The following GAB2 variants were observed in gnomAD, a reference collection of about 807,000 sequenced individuals.
The protein encoded by GAB2 is GRB2-associated-binding protein 2.
GAB2 carries 26 observed loss-of-function variants against 65.5 expected under a neutral mutation model. That is an observed-to-expected ratio of 0.40 (90% CI 0.29 to 0.55). The LOEUF is 0.55. Among genes scored for constraint, GAB2 ranks in the 20% least tolerant of loss-of-function variants. The pLI is 0.53. For missense variants in GAB2, 884 were observed against 875.8 expected (o/e 1.01, Z -0.12); for synonymous variants, 321 against 329.6 (o/e 0.97, Z 0.28).
At chr11:78,326,977 T>G (rs939234953) in intron 1 of GAB2, among the ~76,000 whole-genome samples, 1 of 152,176 alleles carries the variant, frequency 6.6e-6, no homozygotes, top group African/African-American at 2.4e-5. Context: ...AGAAATTGGA[T>G]GGAGATTTAT....
chr11:78,322,785 A>G (rs1227940448), intron 1 of GAB2, among the ~76,000 whole-genome samples: 3 of 145,854 alleles, frequency 2.1e-5, no homozygotes, highest in African/African-American at 7.7e-5. Context: ...CAGAATGGCT[A>G]TTACTGAAAA....
rs773570147 is a variant in GAB2, at chr11:78,222,171, C to T, written c.1592G>A (p.Arg531Lys). The T allele has an allele frequency of 1.9e-6, 3 of 1,613,952 alleles. No individual in the cohort carries two copies. The South Asian group carries it at 3.3e-5, about 18-fold the overall frequency. The change falls in exon 7 of 10, where the codon AGG (arginine) becomes AAG (lysine). Residue 531 changes from arginine (R) to lysine (K), a missense_variant. Arg to Lys is a conservative substitution (Grantham distance 26). Transcript: ENST00000361507. ...GAGTTCATCGATGACGGTGTTGTTC[C>T]TCAGGTCAAGTGGTGTTGGCTTTGC... The part of the protein sequence containing the change: ...RKAKPTPLDL[R>K]NNTVIDELPF...
chr11:78,386,093 A>G (rs1436476847), intron 1 of GAB2, among the ~76,000 whole-genome samples: 2 of 152,184 alleles, frequency 1.3e-5, no homozygotes, highest in East Asian at 3.9e-4. Context: ...GTCAGGAGAG[A>G]TGGAAGGTAA....
intron 1 of GAB2, among the ~76,000 whole-genome samples, chr11:78,405,357 C>T (rs1309944705): frequency 6.6e-6 from 1 of 152,110 alleles, no homozygotes; most frequent in African/African-American, 2.4e-5. Context: ...CCTCGGCCTC[C>T]CAAAGTGCTG....
chr11:78,218,297 C>G lies in GAB2; in HGVS notation c.*975G>C, dbSNP rs1220753947. 1 of 153,602 alleles carries G rather than the reference C, an allele frequency of 6.5e-6. No individual in the cohort carries two copies. The highest frequency in any genetic ancestry group is 2.4e-5 in the African/African-American group (1 of 41,476). The allele number at this position is 153,602 out of a possible 1,614,324, so 9.5% of individuals were successfully genotyped here. On this transcript the variant is annotated 3_prime_UTR_variant, in exon 10 of 10. Transcript: ENST00000361507. ...GCATCACCCCCATCCACACCACACT[C>G]CCTCCCATATTCCCCACCCCTTTAC...
intron 3 of GAB2, among the ~76,000 whole-genome samples, chr11:78,244,150 G>A (rs959394046): frequency 6.7e-6 from 1 of 149,022 alleles, no homozygotes; most frequent in Non-Finnish European, 1.5e-5. Context: ...GCCAAGATGG[G>A]CAGATTCAAG....
chr11:78,308,910 C>T (rs778998905), intron 1 of GAB2, among the ~76,000 whole-genome samples: 18 of 151,970 alleles, frequency 1.2e-4, no homozygotes, highest in Non-Finnish European at 1.6e-4. Flanking sequence ...TATTCCATTT[C>T]ACAATAAAAA....
At position 78,346,712 on chromosome 11, in the gene GAB2, TA is replaced by T. The variant is rs1565168255; in HGVS notation, c.76-65812del. 2.8e-3 allele frequency among the ~76,000 whole-genome samples: 233 copies of T among 83,198 alleles called. 11 individuals carry two copies. Among genetic ancestry groups the T allele is most frequent in the East Asian group, 8.6e-3 (24 of 2,786 alleles). 54.6% of individuals were successfully genotyped at this position (83,198 alleles called of 152,430 possible). On this transcript the variant is annotated intron_variant, in intron 1 of 9. Coordinates refer to ENST00000361507, the MANE Select transcript of GAB2 (RefSeq NM_080491.3). ...ATATATATATATATATATATATATA[TA>T]TATATATAATTTTTTTTTTTTTTAG...
Position 78,415,247 on chromosome 11 carries a change from C to T in GAB2, c.75+2399G>A, listed in dbSNP as rs919708141. On this transcript the variant is annotated intron_variant, in intron 1 of 9. Transcript: ENST00000361507. ...GTTCAACTACTTTTTCCCCTTATCA[C>T]ATATGCTCGATGTATTCTTATAATG... 7.2e-5 allele frequency among the ~76,000 whole-genome samples: 11 copies of T among 152,340 alleles called. 1 individual carries two copies. The highest frequency in any genetic ancestry group is 2.6e-4 in the Admixed American group (4 of 15,308).
At chr11:78,253,983 GC>G (rs1241620319) in intron 2 of GAB2, among the ~76,000 whole-genome samples, 1 of 152,070 alleles carries the variant, frequency 6.6e-6, no homozygotes, top group African/African-American at 2.4e-5. Context: ...GAATGCTTTG[GC>G]TGTGAGTATG....
chr11:78,374,524 T>C lies in GAB2; in HGVS notation c.75+43122A>G, dbSNP rs985842908. On this transcript the variant is annotated intron_variant, in intron 1 of 9. Coordinates refer to ENST00000361507, the MANE Select transcript of GAB2 (RefSeq NM_080491.3). ...TGACTAGATAAGTTAGTGAAGTTGTTACACCTTACTCATCATCCATTTCTT... is the reference window on the plus strand; with the variant it reads ...TGACTAGATAAGTTAGTGAAGTTGTCACACCTTACTCATCATCCATTTCTT... 2.0e-5 allele frequency among the ~76,000 whole-genome samples: 3 copies of C among 152,192 alleles called. No individual in the cohort carries two copies. In the East Asian group the frequency reaches 5.8e-4, roughly 29 times the overall value.
intron 1 of GAB2, among the ~76,000 whole-genome samples, chr11:78,415,419 A>G (rs1185881136): frequency 6.6e-6 from 1 of 152,198 alleles, no homozygotes; most frequent in East Asian, 1.9e-4. Flanking sequence ...TAAGCAAACT[A>G]GCAGAGTTTT....
At chr11:78,350,878 GA>G (rs1369053448) in intron 1 of GAB2, among the ~76,000 whole-genome samples, 5 of 152,296 alleles carry the variant, frequency 3.3e-5, no homozygotes, top group Non-Finnish European at 7.4e-5. Context: ...AGCAACTTTG[GA>G]AAATAAAAAT....
intron 1 of GAB2, among the ~76,000 whole-genome samples, chr11:78,313,500 T>C (rs1855541260): frequency 6.6e-6 from 1 of 152,184 alleles, no homozygotes; most frequent in Non-Finnish European, 1.5e-5. Flanking sequence ...GACATAGAAC[T>C]CTGGTATTGC....
intron 3 of GAB2, among the ~76,000 whole-genome samples, chr11:78,239,580 G>A (rs755671462): frequency 7.9e-5 from 12 of 152,180 alleles, no homozygotes; most frequent in Non-Finnish European, 1.5e-4. Flanking sequence ...CATGAGAGGA[G>A]TAACAGAAAC....
intron 2 of GAB2, among the ~76,000 whole-genome samples, chr11:78,277,080 G>C (rs1202115105): frequency 2.0e-5 from 3 of 152,160 alleles, no homozygotes; most frequent in African/African-American, 7.2e-5. Flanking sequence ...GCCTCCCAAA[G>C]TGCTGGGATT....
chr11:78,317,558 C>CAAA (rs370515492), intron 1 of GAB2, among the ~76,000 whole-genome samples: 1,050 of 60,480 alleles, frequency 0.017, 79 homozygotes, highest in African/African-American at 0.052. Context: ...GACTCCGTCT[C>CAAA]AAAAAAAAAA....
chr11:78,395,466 C>G (rs1216847777), intron 1 of GAB2, among the ~76,000 whole-genome samples: 2 of 152,138 alleles, frequency 1.3e-5, no homozygotes, highest in African/African-American at 4.8e-5. Flanking sequence ...ACAAACCAAC[C>G]AAGTCTACCT....
chr11:78,326,543 T>C (rs1057206471), intron 1 of GAB2, among the ~76,000 whole-genome samples: 4 of 152,210 alleles, frequency 2.6e-5, no homozygotes, highest in African/African-American at 9.7e-5. Context: ...CTGAAGGGCC[T>C]TCCTGTAGGA....
Sources: gnomAD v4.1 joint callset for allele counts (sites outside exome capture counted in the v4.1 genomes callset) on GRCh38, gnomAD v4.1.1 for gene constraint, MANE v1.5 for transcripts, NCBI Gene and HGNC (gene_info 2026-07-23, HGNC 2026-07-21) for gene names.